Variants in LYPLA1 observed in about 807,000 individuals in gnomAD.
LYPLA1 encodes lysophospholipase 1.
In LYPLA1, 17 loss-of-function variants were observed where a neutral mutation model predicts 34.0. That is an observed-to-expected ratio of 0.50 (90% CI 0.34 to 0.75). LYPLA1 has a LOEUF of 0.75. Ranked by LOEUF, LYPLA1 falls within the 30% of genes least tolerant of loss-of-function variation. The probability of loss-of-function intolerance (pLI) is 0.01; values close to 1 mark genes in which losing one functional copy is unlikely to be tolerated. For synonymous variants in LYPLA1, 98 were observed against 100.8 expected, an observed-to-expected ratio of 0.97 and a Z score of 0.17; for missense variants, 203 against 288.8, an observed-to-expected ratio of 0.70 and a Z score of 2.15.
intron 2 of LYPLA1, among the ~76,000 whole-genome samples, chr8:54,081,816 G>A (rs1270598617): frequency 6.0e-5 from 9 of 150,614 alleles, no homozygotes; most frequent in Non-Finnish European, 1.2e-4. Context: ...TGCAATCTCC[G>A]CCTCCCAGGT....
rs1298938188 is a variant in LYPLA1 at position 54,086,538 on chromosome 8, T to A, written c.101+14370A>T. ...TTAGAAGGCCATTATTACTCTGACA[T>A]CAAAACCAAAGGGTACCAAAAAAAA... On this transcript the variant is annotated intron_variant, in intron 2 of 8. Transcript: ENST00000316963. Among the ~76,000 whole-genome samples the A allele has an allele frequency of 1.9e-4, 13 of 69,424 alleles. No individual in the cohort carries two copies. The South Asian group carries it at 2.0e-3, about 11-fold the overall frequency. The allele number at this position is 69,424 out of a possible 152,430, so 45.5% of individuals were successfully genotyped here. A position where few individuals can be genotyped will look rare whatever the true frequency, so the allele number is the denominator to read the frequency against.
At chr8:54,081,725 T>G (rs1182875166) in intron 2 of LYPLA1, among the ~76,000 whole-genome samples, 2 of 117,114 alleles carry the variant, frequency 1.7e-5, no homozygotes, top group Admixed American at 1.6e-4. Flanking sequence ...TTTCTTTTCG[T>G]TTTTTTTTTT....
In LYPLA1 at chr8:54,085,398, C is replaced by A. The variant is rs945345782; in HGVS notation, c.101+15510G>T. Among the ~76,000 whole-genome samples, 7 of 152,348 alleles carry A rather than the reference C, an allele frequency of 4.6e-5. No individual in the cohort carries two copies. The East Asian group carries it at 9.6e-4, about 21-fold the overall frequency. On this transcript the variant is annotated intron_variant, in intron 2 of 8. Coordinates refer to ENST00000316963, the MANE Select transcript of LYPLA1 (RefSeq NM_006330.4). ...AAGTGCCGAGATTGCAGCCTCTGCACGGCCGCCACCCCATCTAGGAAGTGA... is the reference window on the plus strand; with the variant it reads ...AAGTGCCGAGATTGCAGCCTCTGCAAGGCCGCCACCCCATCTAGGAAGTGA...
intron 5 of LYPLA1, among the ~76,000 whole-genome samples, chr8:54,059,390 C>T (rs1046752422): frequency 1.8e-4 from 14 of 77,246 alleles, no homozygotes; most frequent in Non-Finnish European, 2.2e-4. Flanking sequence ...CTGCAAGCTC[C>T]GCTTCCCGGG....
At position 54,064,159 on chromosome 8, in the gene LYPLA1, A is replaced by G. The variant is rs545370705; in HGVS notation, c.168-784T>C. The stretch of plus-strand genomic sequence containing the variant: ...GCCGGGCGGGGTGGGTCACGCCTGT[A>G]ATCCCAGCACTTTGGGAGGCCGAGG... On this transcript the variant is annotated intron_variant, in intron 3 of 8. Coordinates refer to ENST00000316963, the MANE Select transcript of LYPLA1 (RefSeq NM_006330.4). Among the ~76,000 whole-genome samples, 29 of 152,300 alleles carry G rather than the reference A, an allele frequency of 1.9e-4. 1 individual carries two copies. The South Asian group carries it at 5.2e-3, about 27-fold the overall frequency.
chr8:54,061,230 G>A (rs535696772), intron 5 of LYPLA1, among the ~76,000 whole-genome samples: 21 of 151,648 alleles, frequency 1.4e-4, no homozygotes, highest in African/African-American at 4.4e-4. Flanking sequence ...ACAGGCGTGC[G>A]TGACCACGCC....
At chr8:54,091,782 A>G (rs759449852) in intron 2 of LYPLA1, among the ~76,000 whole-genome samples, 2 of 152,098 alleles carry the variant, frequency 1.3e-5, no homozygotes, top group Non-Finnish European at 1.5e-5. Context: ...GTATCCAATG[A>G]GAACTTGTTA....
intron 2 of LYPLA1, among the ~76,000 whole-genome samples, chr8:54,081,504 G>A (rs566466736): frequency 6.6e-6 from 1 of 151,892 alleles, no homozygotes; most frequent in South Asian, 2.1e-4. Context: ...AGGATGGAGT[G>A]CAGCCTGTAA....
Position 54,086,775 on chromosome 8 carries a change from G to C in LYPLA1, c.101+14133C>G, listed in dbSNP as rs1563651453. ...ATACTTGGGAGTATGGTTTGAGCCT[G>C]GAAGGTTGAGGCTGCAGTGAGCTGT... is the stretch of plus-strand genomic sequence containing the variant. On this transcript the variant is annotated intron_variant, in intron 2 of 8. Transcript: ENST00000316963. Among the ~76,000 whole-genome samples, 3 of 152,174 alleles carry C rather than the reference G, an allele frequency of 2.0e-5. No individual in the cohort carries two copies. In the East Asian group the frequency reaches 5.8e-4, roughly 29 times the overall value.
chr8:54,050,895 T>C (rs1277357184), intron 8 of LYPLA1, 117 bp downstream of exon 8: 3 of 1,067,024 alleles, frequency 2.8e-6, no homozygotes, highest in South Asian at 3.4e-5. Flanking sequence ...TGCTAACTTA[T>C]GACTCAATAT....
chr8:54,067,693 ATTTTTTTTT>A (rs762583097), intron 2 of LYPLA1, among the ~76,000 whole-genome samples: 1 of 135,520 alleles, frequency 7.4e-6, no homozygotes, highest in Admixed American at 7.5e-5. Flanking sequence ...ATGAATGTTA[ATTTTTTTTT>A]TTTTTTTTTT....
intron 5 of LYPLA1, among the ~76,000 whole-genome samples, chr8:54,055,705 G>A (rs563890847): frequency 8.6e-5 from 13 of 150,638 alleles, no homozygotes; most frequent in Admixed American, 1.3e-4. Context: ...GTGCAGTGGC[G>A]TGATCTTGGC....
chr8:54,098,436 C>T (rs746764606), intron 2 of LYPLA1, among the ~76,000 whole-genome samples: 17 of 151,944 alleles, frequency 1.1e-4, no homozygotes, highest in Admixed American at 9.8e-4. Context: ...CCCAGCACTG[C>T]GGGAGGCCGA....
At chr8:54,094,707 G>A (rs1809550670) in intron 2 of LYPLA1, among the ~76,000 whole-genome samples, 1 of 152,164 alleles carries the variant, frequency 6.6e-6, no homozygotes, top group Non-Finnish European at 1.5e-5. Context: ...AAATGGCTGA[G>A]TCCAGGACTA....
chr8:54,058,733 C>T (rs1806384744), intron 5 of LYPLA1, among the ~76,000 whole-genome samples: 1 of 151,806 alleles, frequency 6.6e-6, no homozygotes, highest in African/African-American at 2.4e-5. Flanking sequence ...CATGCGCCAC[C>T]ACGCCCAGCT....
At position 54,092,296 on chromosome 8, in the gene LYPLA1, G is replaced by C. The variant is rs142560784; in HGVS notation, c.101+8612C>G. On this transcript the variant is annotated intron_variant, in intron 2 of 8. Coordinates refer to ENST00000316963, the MANE Select transcript of LYPLA1 (RefSeq NM_006330.4). Reference sequence around the variant, plus strand: ...GAGAAAGAAGGAAGAGAAGGAGGGGGAAGAGAAGGTGGAGGAGGAGGAGAA... The same window carrying C: ...GAGAAAGAAGGAAGAGAAGGAGGGGCAAGAGAAGGTGGAGGAGGAGGAGAA... Among the ~76,000 whole-genome samples the C allele has an allele frequency of 7.5e-4, 113 of 149,892 alleles. 1 individual carries two copies. Among genetic ancestry groups the C allele is most frequent in the Middle Eastern group, 3.4e-3 (1 of 290 alleles).
chr8:54,061,916 G>A (rs1806662455), intron 5 of LYPLA1, among the ~76,000 whole-genome samples: 1 of 152,020 alleles, frequency 6.6e-6, no homozygotes, highest in Non-Finnish European at 1.5e-5. Context: ...AGCGCAGTGG[G>A]GCGATCTCAG....
intron 2 of LYPLA1, among the ~76,000 whole-genome samples, chr8:54,088,923 A>C (rs1254121219): frequency 1.3e-5 from 2 of 152,242 alleles, no homozygotes; most frequent in Admixed American, 6.5e-5. Flanking sequence ...TACATGTTAC[A>C]AAATAGATGA....
At chr8:54,094,505 G>T (rs1809532425) in intron 2 of LYPLA1, among the ~76,000 whole-genome samples, 1 of 152,214 alleles carries the variant, frequency 6.6e-6, no homozygotes, top group South Asian at 2.1e-4. Context: ...ACCCTGTGGT[G>T]CTGGGCTGCA....
Sources: allele counts gnomAD v4.1 joint callset (sites outside exome capture counted in the v4.1 genomes callset), GRCh38; gene constraint gnomAD v4.1.1; transcripts MANE v1.5; gene names NCBI Gene and HGNC (gene_info 2026-07-23, HGNC 2026-07-21).